The following RUSC2 variants were observed in gnomAD, a reference collection of about 807,000 sequenced individuals.
The protein encoded by RUSC2 is AP-4 complex accessory subunit RUSC2.
RUSC2 carries 34 observed loss-of-function variants against 122.2 expected under a neutral mutation model. The ratio of observed to expected loss-of-function variants is 0.28; its 90% CI spans 0.21 to 0.37. The LOEUF is 0.37. RUSC2 is among the 10% of genes least tolerant of loss of function. The probability of loss-of-function intolerance (pLI) is 1.00; values close to 1 mark genes in which losing one functional copy is unlikely to be tolerated. For synonymous variants in RUSC2, 784 were observed against 790.0 expected (o/e 0.99, Z 0.13); for missense variants, 1,747 against 1,952.4 (o/e 0.89, Z 1.98).
In RUSC2 at chr9:35,560,442, G is replaced by A. The variant is rs144319570; in HGVS notation, c.3802G>A (p.Ala1268Thr). 1.2e-6 allele frequency: 2 copies of A among 1,614,098 alleles called. No homozygotes were observed. Among genetic ancestry groups the A allele is most frequent in the African/African-American group, 2.7e-5 (2 of 74,954 alleles). The change falls in exon 10 of 12, where the codon GCC becomes ACC. Residue 1268 changes from alanine (A) to threonine (T), a missense_variant. Coordinates refer to ENST00000361226, the MANE Select transcript of RUSC2 (RefSeq NM_014806.5). ...TGCCAGGTGGGCCCGAGGTGGGCAGGCCGGCTGGTGGTACCAGCTCATGCA... is the reference window on the plus strand; with the variant it reads ...TGCCAGGTGGGCCCGAGGTGGGCAGACCGGCTGGTGGTACCAGCTCATGCA... The part of the protein sequence containing the change: ...GRARWARGGQ[A>T]GWWYQLMQSS...
chr9:35,526,745 G>A (rs1821331942), intron 1 of RUSC2, among the ~76,000 whole-genome samples: 1 of 152,162 alleles, frequency 6.6e-6, no homozygotes, highest in Non-Finnish European at 1.5e-5. Context: ...TGCCACTGCA[G>A]CCTGGGCAAA....
Position 35,547,303 on chromosome 9 carries a change from C to A in RUSC2, c.782C>A (p.Ala261Glu), listed in dbSNP as rs1259785608. 2.5e-6 allele frequency: 4 copies of A among 1,614,190 alleles called. No homozygotes were observed. Among genetic ancestry groups the A allele is most frequent in the South Asian group, 2.2e-5 (2 of 91,090 alleles). ...RCSSTSSQSEAADQSMGYVSD... is the reference protein window; with the variant it reads ...RCSSTSSQSEEADQSMGYVSD... ...AGTAGCACATCCAGTCAGTCCGAGG[C>A]AGCTGACCAGTCCATGGGCTATGTG... is the stretch of plus-strand genomic sequence containing the variant. Residue 261 changes from alanine to glutamate, a missense_variant, in exon 2 of 12, where the codon GCA (alanine) becomes GAA (glutamate). Coordinates refer to ENST00000361226, the MANE Select transcript of RUSC2 (RefSeq NM_014806.5). The surrounding 1 kb of genome is among the most constrained non-coding windows in gnomAD (Gnocchi z 4.6).
intron 2 of RUSC2, 76 bp from the exon 3 acceptor site, chr9:35,554,977 CTCTCCCA>C (rs1304158913): frequency 3.3e-6 from 5 of 1,529,982 alleles, no homozygotes; most frequent in Admixed American, 1.7e-5. Flanking sequence ...CCCCTCTCCC[CTCTCCCA>C]TCTCTGCTTC....
intron 9 of RUSC2, among the ~76,000 whole-genome samples, chr9:35,559,635 T>C (rs768836469): frequency 6.6e-6 from 1 of 152,198 alleles, no homozygotes; most frequent in Non-Finnish European, 1.5e-5. Flanking sequence ...CTCGGGAGGC[T>C]GAGGCACGAG....
chr9:35,544,068 G>A (rs866323600), intron 1 of RUSC2, among the ~76,000 whole-genome samples: 7 of 152,144 alleles, frequency 4.6e-5, no homozygotes, highest in South Asian at 2.1e-4. Context: ...CAATACTCCC[G>A]GCAATGTTTC....
intron 2 of RUSC2, among the ~76,000 whole-genome samples, chr9:35,551,390 T>C (rs1433574299): frequency 1.3e-5 from 2 of 152,072 alleles, no homozygotes; most frequent in African/African-American, 2.4e-5. Context: ...GAAGACTTCA[T>C]GTTCCTAACA....
chr9:35,560,832 G>A lies in RUSC2; in HGVS notation c.4192G>A (p.Glu1398Lys), dbSNP rs1822141514. 1 of 1,532,154 alleles carries A rather than the reference G, an allele frequency of 6.5e-7. No individual in the cohort carries two copies. The highest frequency in any genetic ancestry group is 2.1e-5 in the Admixed American group (1 of 47,254). 94.9% of individuals were successfully genotyped at this position (1,532,154 alleles called of 1,614,324 possible). A position where few individuals can be genotyped will look rare whatever the true frequency, so the allele number is the denominator to read the frequency against. The change falls in exon 10 of 12, where the codon GAG becomes AAG. Residue 1398 changes from glutamate (E) to lysine (K), a missense_variant. By Grantham distance (56) the Glu-to-Lys change is moderately conservative (BLOSUM62 1). Transcript: ENST00000361226. ...HLFGSRKAQR[E>K]ARPTNRLPSD... ...CTTTGGCTCCCGAAAAGCCCAGCGG[G>A]AGGCCCGGCCCACAAATAGGTGAGA...
chr9:35,496,767 C>G (rs1820723050), intron 1 of RUSC2, among the ~76,000 whole-genome samples: 1 of 152,148 alleles, frequency 6.6e-6, no homozygotes, highest in Non-Finnish European at 1.5e-5. Context: ...CCTGATTAAG[C>G]TGGATATACT....
chr9:35,512,988 C>G (rs1821035995), intron 1 of RUSC2, among the ~76,000 whole-genome samples: 1 of 152,150 alleles, frequency 6.6e-6, no homozygotes, highest in Non-Finnish European at 1.5e-5. Context: ...GTTTTGTCAG[C>G]ATTAAATGAG....
intron 1 of RUSC2, among the ~76,000 whole-genome samples, chr9:35,499,779 T>C (rs1188061933): frequency 1.3e-5 from 2 of 152,318 alleles, no homozygotes; most frequent in Middle Eastern, 3.4e-3. Context: ...CATTTATTTT[T>C]ATCCACGCCC....
In RUSC2 at chr9:35,546,987, G is replaced by T. The variant is rs775247435; in HGVS notation, c.466G>T (p.Gly156Cys). Residue 156 changes from glycine to cysteine, a missense_variant, in exon 2 of 12, where the codon GGC (glycine) becomes TGC (cysteine). Gly to Cys is a radical substitution (Grantham distance 159). Transcript: ENST00000361226. This position sits in a 1 kb window ranked among gnomAD's most constrained non-coding sequence, Gnocchi z 4.3. The stretch of plus-strand genomic sequence containing the variant: ...GCTGCCACCATCTGGCCCCAGAGTG[G>T]GCAGGCCATGGGGGACAACACGCAG... Reference protein sequence around the residue: ...FQLPPSGPRVGRPWGTTRSRA... With the variant: ...FQLPPSGPRVCRPWGTTRSRA... The T allele has an allele frequency of 4.4e-6, 7 of 1,594,968 alleles. No individual in the cohort carries two copies. Among genetic ancestry groups the T allele is most frequent in the Middle Eastern group, 1.7e-4 (1 of 5,966 alleles).
Position 35,555,663 on chromosome 9 carries a change from G to C in RUSC2, c.2618G>C (p.Gly873Ala). Residue 873 changes from glycine (G) to alanine (A), a missense_variant, in exon 3 of 12, where the codon GGA becomes GCA. By Grantham distance (60) the Gly-to-Ala change is moderately conservative. Coordinates refer to ENST00000361226, the MANE Select transcript of RUSC2 (RefSeq NM_014806.5). This position sits in a 1 kb window ranked among gnomAD's most constrained non-coding sequence, Gnocchi z 4.6. ...GLSRAESLAR[G>A]GGEGSMATRP... is the part of the protein sequence containing the mutation. ...AGCCGAGCAGAGAGCCTGGCCCGGGGAGGTGGTGAGGGCAGCATGGCCACC... is the reference window on the plus strand; with the variant it reads ...AGCCGAGCAGAGAGCCTGGCCCGGGCAGGTGGTGAGGGCAGCATGGCCACC... The C allele has an allele frequency of 3.1e-6, 5 of 1,604,088 alleles. No individual in the cohort carries two copies. The highest frequency in any genetic ancestry group is 4.2e-6 in the Non-Finnish European group (5 of 1,179,462).
chr9:35,545,925 T>G (rs970897483), intron 1 of RUSC2, among the ~76,000 whole-genome samples: 1 of 152,238 alleles, frequency 6.6e-6, no homozygotes, highest in African/African-American at 2.4e-5. Context: ...ATACCGTATA[T>G]TTTAAAATGC....
intron 2 of RUSC2, among the ~76,000 whole-genome samples, chr9:35,553,780 T>A (rs1171785521): frequency 6.6e-6 from 1 of 152,102 alleles, no homozygotes; most frequent in African/African-American, 2.4e-5. Flanking sequence ...GGGTGGAGCT[T>A]GAAAGTGTCC....
At chr9:35,539,549 C>CCA (rs1821601272) in intron 1 of RUSC2, among the ~76,000 whole-genome samples, 1 of 134,260 alleles carries the variant, frequency 7.4e-6, no homozygotes, top group African/African-American at 2.6e-5. Flanking sequence ...ACCTTTCTCT[C>CCA]CACACACACA....
chr9:35,496,306 T>C (rs1820711961), intron 1 of RUSC2, among the ~76,000 whole-genome samples: 1 of 152,144 alleles, frequency 6.6e-6, no homozygotes. Context: ...GACTTAAAAT[T>C]AAGTCAGGCA....
In RUSC2 at chr9:35,523,545, G is replaced by T. The variant is rs763254114; in HGVS notation, c.-92-22885G>T. Reference sequence around the variant, plus strand: ...AAAAGCCAAATAGTGGCTGGGCGTGGTGGCTCATGCCTATAATCCTGTCAC... The same window carrying T: ...AAAAGCCAAATAGTGGCTGGGCGTGTTGGCTCATGCCTATAATCCTGTCAC... On this transcript the variant is annotated intron_variant, in intron 1 of 11. Coordinates refer to ENST00000361226, the MANE Select transcript of RUSC2 (RefSeq NM_014806.5). Among the ~76,000 whole-genome samples the T allele has an allele frequency of 8.5e-5, 13 of 152,296 alleles. No individual in the cohort carries two copies. In the South Asian group the frequency reaches 1.2e-3, roughly 15 times the overall value.
chr9:35,512,159 C>T (rs921371890), intron 1 of RUSC2, among the ~76,000 whole-genome samples: 2 of 150,932 alleles, frequency 1.3e-5, no homozygotes, highest in South Asian at 2.1e-4. Context: ...CCAGCCTGGG[C>T]GACAGAACGA....
rs763555777 is a variant in RUSC2 at position 35,555,369 on chromosome 9, C to T, written c.2324C>T (p.Ser775Leu). ...AGSEPETSRPSPLGSYSPIRS... is the reference protein window; with the variant it reads ...AGSEPETSRPLPLGSYSPIRS... The stretch of plus-strand genomic sequence containing the variant: ...TCTGAGCCAGAGACCTCTCGGCCAT[C>T]GCCCCTGGGCAGCTACTCCCCCATC... The change falls in exon 3 of 12, where the codon TCG becomes TTG. Residue 775 changes from serine (S) to leucine (L), a missense_variant. Ser to Leu is a moderately radical substitution (Grantham distance 145, BLOSUM62 -2). Transcript: ENST00000361226. The surrounding 1 kb of genome is among the most constrained non-coding windows in gnomAD (Gnocchi z 4.6). The T allele has an allele frequency of 4.3e-6, 7 of 1,614,126 alleles. No individual in the cohort carries two copies. Among genetic ancestry groups the T allele is most frequent in the East Asian group, 2.2e-5 (1 of 44,898 alleles).
Sources: allele counts gnomAD v4.1 joint callset (sites outside exome capture counted in the v4.1 genomes callset), GRCh38; gene constraint gnomAD v4.1.1; non-coding constraint Gnocchi (gnomAD v3.1); transcripts MANE v1.5; gene names NCBI Gene and HGNC (gene_info 2026-07-23, HGNC 2026-07-21).